The following JADE2 variants were observed in gnomAD, a reference collection of about 807,000 sequenced individuals.
The protein encoded by JADE2 is E3 ubiquitin-protein ligase Jade-2.
A neutral mutation model predicts 85.7 loss-of-function variants in JADE2; 13 were observed. The ratio of observed to expected loss-of-function variants is 0.15; its 90% CI spans 0.10 to 0.24. The LOEUF (loss-of-function observed/expected upper bound fraction) is 0.24. JADE2 is among the 10% of genes least tolerant of loss of function. JADE2 has a pLI of 1.00. For missense variants in JADE2, 846 were observed against 1,115.9 expected, an observed-to-expected ratio of 0.76 and a Z score of 3.45; for synonymous variants, 440 against 456.1, an observed-to-expected ratio of 0.96 and a Z score of 0.45.
Position 134,525,683 on chromosome 5 carries a change from G to C in JADE2, c.-329G>C. The C allele has an allele frequency of 2.4e-6, 3 of 1,246,012 alleles. No homozygotes were observed. Among genetic ancestry groups the C allele is most frequent in the Non-Finnish European group, 2.1e-6 (2 of 973,794 alleles). 77.2% of individuals were successfully genotyped at this position (1,246,012 alleles called of 1,614,324 possible). A position where few individuals can be genotyped will look rare whatever the true frequency, so the allele number is the denominator to read the frequency against. On this transcript the variant is annotated 5_prime_UTR_variant, in exon 1 of 12. Coordinates refer to ENST00000681547, the MANE Select transcript of JADE2 (RefSeq NM_001388185.1). ...TTAAAAAGAAACAGAAACATACACAGGGGGTTGGTGAATGGTGCCGACCGC... is the reference window on the plus strand; with the variant it reads ...TTAAAAAGAAACAGAAACATACACACGGGGTTGGTGAATGGTGCCGACCGC...
chr5:134,545,979 G>A (rs1762275037), intron 3 of JADE2, among the ~76,000 whole-genome samples: 1 of 152,074 alleles, frequency 6.6e-6, no homozygotes, highest in Non-Finnish European at 1.5e-5. Context: ...ATTGGCTTTG[G>A]GACAGTGACC....
chr5:134,534,021 C>T (rs1161819099), intron 1 of JADE2, among the ~76,000 whole-genome samples: 2 of 152,140 alleles, frequency 1.3e-5, no homozygotes, highest in Non-Finnish European at 2.9e-5. Flanking sequence ...GCTGGGATTA[C>T]AGGTGTCGCA....
At chr5:134,528,102 T>C (rs1322421375) in intron 1 of JADE2, among the ~76,000 whole-genome samples, 1 of 152,102 alleles carries the variant, frequency 6.6e-6, no homozygotes, top group Non-Finnish European at 1.5e-5. Flanking sequence ...ACCCCTGAGC[T>C]CTGATCCCAG....
At chr5:134,528,253 T>C (rs934425656) in intron 1 of JADE2, among the ~76,000 whole-genome samples, 1 of 152,176 alleles carries the variant, frequency 6.6e-6, no homozygotes, top group African/African-American at 2.4e-5. Flanking sequence ...GTAGGACATT[T>C]GGCAAAAGGG....
Position 134,578,871 on chromosome 5 carries a change from C to G in JADE2, c.2059C>G (p.Pro687Ala). Residue 687 changes from proline (P) to alanine (A), a missense_variant, in exon 12 of 12, where the codon CCT becomes GCT. Around this residue, in one of 9 missense-constraint regions of JADE2, gnomAD observed 300 missense variants for 300.7 expected, o/e 1.00. Coordinates refer to ENST00000681547, the MANE Select transcript of JADE2 (RefSeq NM_001388185.1). The surrounding 1 kb of genome is among the most constrained non-coding windows in gnomAD (Gnocchi z 4.4). ...AGSGKGGQGP[P>A]TRKPPRRTSS... is the part of the protein sequence containing the mutation. ...CAGTGGCAAGGGGGGTCAAGGGCCA[C>G]CTACCAGGAAGCCACCACGTCGGAC... 6.2e-7 allele frequency: 1 copy of G among 1,613,842 alleles called. No individual in the cohort carries two copies. The highest frequency in any genetic ancestry group is 8.5e-7 in the Non-Finnish European group (1 of 1,180,026).
At chr5:134,527,816 T>G (rs1760961169) in intron 1 of JADE2, among the ~76,000 whole-genome samples, 1 of 152,190 alleles carries the variant, frequency 6.6e-6, no homozygotes, top group Non-Finnish European at 1.5e-5. Context: ...GGCCTCTTGC[T>G]GGAGGCTGGG....
chr5:134,573,425 A>C (rs1764162115), intron 9 of JADE2, among the ~76,000 whole-genome samples: 1 of 152,154 alleles, frequency 6.6e-6, no homozygotes, highest in Non-Finnish European at 1.5e-5. Context: ...CACAGGGCTG[A>C]GGCTGTGTTT....
At chr5:134,543,797 G>T (rs1011219835) in intron 3 of JADE2, among the ~76,000 whole-genome samples, 4 of 152,230 alleles carry the variant, frequency 2.6e-5, no homozygotes, top group African/African-American at 9.6e-5. Context: ...GTATTTTTGA[G>T]GGGGTGGGGA....
At position 134,579,339 on chromosome 5, in the gene JADE2, GGCCCT is replaced by G; in HGVS notation, c.*29_*33del. The G allele has an allele frequency of 6.5e-7, 1 of 1,530,466 alleles. No homozygotes were observed. Among genetic ancestry groups the G allele is most frequent in the South Asian group, 1.2e-5 (1 of 80,340 alleles). The allele number at this position is 1,530,466 out of a possible 1,614,324, so 94.8% of individuals were successfully genotyped here. ...CTAACTCACCCCCTTCCCTGTCCCA[GGCCCT>G]GCCCTGGTCCCCCCACAAGGCCTCA... On this transcript the variant is annotated 3_prime_UTR_variant, in exon 12 of 12. Coordinates refer to ENST00000681547, the MANE Select transcript of JADE2 (RefSeq NM_001388185.1). The surrounding 1 kb of genome is among the most constrained non-coding windows in gnomAD (Gnocchi z 4.6).
At chr5:134,541,953 C>G (rs1761987618) in intron 3 of JADE2, among the ~76,000 whole-genome samples, 1 of 152,272 alleles carries the variant, frequency 6.6e-6, no homozygotes, top group African/African-American at 2.4e-5. Context: ...CTGGCCCTTG[C>G]CCAATGGCTG....
chr5:134,535,984 TG>T (rs1761560830), intron 2 of JADE2, 69 bp downstream of exon 2: 6 of 1,332,050 alleles, frequency 4.5e-6, no homozygotes, highest in Non-Finnish European at 6.5e-6. Context: ...CAGGCCCAGA[TG>T]GGAGGAGGCT....
At chr5:134,538,311 CAG>C (rs1267693167) in intron 3 of JADE2, among the ~76,000 whole-genome samples, 1 of 152,178 alleles carries the variant, frequency 6.6e-6, no homozygotes, top group African/African-American at 2.4e-5. Context: ...GGATCTCAGA[CAG>C]GGTAATGACA....
At chr5:134,526,363 G>T in intron 1 of JADE2, 1 of 985,214 alleles carries the variant, frequency 1.0e-6, no homozygotes, top group Non-Finnish European at 1.2e-6. Flanking sequence ...GGCGGGCGGG[G>T]GCGCGCCAGG....
At position 134,578,707 on chromosome 5, in the gene JADE2, G is replaced by A. The variant is rs768954569; in HGVS notation, c.1895G>A (p.Gly632Asp). The A allele has an allele frequency of 6.8e-6, 11 of 1,613,444 alleles. No homozygotes were observed. The South Asian group carries it at 1.1e-4, about 16-fold the overall frequency. The part of the protein sequence containing the change: ...SFMRDPSLRP[G>D]DPARKARGRT... The stretch of plus-strand genomic sequence containing the variant: ...ATGCGGGACCCCTCGCTGCGACCTG[G>A]TGACCCTGCTAGGAAGGCCCGAGGC... The change falls in exon 12 of 12, where the codon GGT becomes GAT. Residue 632 changes from glycine to aspartate, a missense_variant. Coordinates refer to ENST00000681547, the MANE Select transcript of JADE2 (RefSeq NM_001388185.1). The surrounding 1 kb of genome is among the most constrained non-coding windows in gnomAD (Gnocchi z 4.4).
In JADE2 at chr5:134,542,071, G is replaced by A. The variant is rs1021211401; in HGVS notation, c.153+3988G>A. Among the ~76,000 whole-genome samples, 104 of 152,364 alleles carry A rather than the reference G, an allele frequency of 6.8e-4. 1 individual carries two copies. The highest frequency in any genetic ancestry group is 2.1e-3 in the African/African-American group (87 of 41,592). On this transcript the variant is annotated intron_variant, in intron 3 of 11. Transcript: ENST00000681547. Reference sequence around the variant, plus strand: ...GGAGGCTGGGCTAGGATTTTTGGTGGAAGTGCGCAAAGCCTGAAGTCTGCC... The same window carrying A: ...GGAGGCTGGGCTAGGATTTTTGGTGAAAGTGCGCAAAGCCTGAAGTCTGCC...
At chr5:134,527,134 T>A (rs1760894730) in intron 1 of JADE2, among the ~76,000 whole-genome samples, 1 of 147,952 alleles carries the variant, frequency 6.8e-6, no homozygotes, top group Admixed American at 6.7e-5. Flanking sequence ...CTAGCGCTGC[T>A]GCAGTCCCTT....
In JADE2 at chr5:134,560,806, G is replaced by A; in HGVS notation, c.533G>A (p.Cys178Tyr). The A allele has an allele frequency of 6.2e-7, 1 of 1,614,216 alleles. No homozygotes were observed. Among genetic ancestry groups the A allele is most frequent in the Non-Finnish European group, 8.5e-7 (1 of 1,180,034 alleles). Residue 178 changes from cysteine (C) to tyrosine (Y), a missense_variant, in exon 6 of 12, where the codon TGC becomes TAC. Physicochemically the swap from Cys to Tyr is radical, Grantham distance 194. Coordinates refer to ENST00000681547, the MANE Select transcript of JADE2 (RefSeq NM_001388185.1). ...GTGCTGGAGGAGCTGGAGACCCTGT[G>A]CCACCAGAATATGGCCAGGGCCATT... Reference protein sequence around the residue: ...ERVLEELETLCHQNMARAIET... With the variant: ...ERVLEELETLYHQNMARAIET...
rs1183637969 is a variant in JADE2 at position 134,578,682 on chromosome 5, A to G, written c.1870A>G (p.Met624Val). ...GGACGAGGAGACACTGCTCAGCTTC[A>G]TGCGGGACCCCTCGCTGCGACCTGG... ...LQDEETLLSF[M>V]RDPSLRPGDP... is the part of the protein sequence containing the mutation. The change falls in exon 12 of 12, where the codon ATG becomes GTG. Residue 624 changes from methionine to valine, a missense_variant. Coordinates refer to ENST00000681547, the MANE Select transcript of JADE2 (RefSeq NM_001388185.1). This position sits in a 1 kb window ranked among gnomAD's most constrained non-coding sequence, Gnocchi z 4.4. 1.2e-6 allele frequency: 2 copies of G among 1,613,828 alleles called. No homozygotes were observed. Among genetic ancestry groups the G allele is most frequent in the Non-Finnish European group, 1.7e-6 (2 of 1,180,006 alleles).
chr5:134,553,510 C>T (rs1762729585), intron 4 of JADE2, among the ~76,000 whole-genome samples: 1 of 152,248 alleles, frequency 6.6e-6, no homozygotes. Context: ...CGTGCCACCA[C>T]GCCTGGCTAA....
Sources: allele counts gnomAD v4.1 joint callset (sites outside exome capture counted in the v4.1 genomes callset), GRCh38; gene constraint gnomAD v4.1.1; regional missense constraint gnomAD v4.1.1; non-coding constraint Gnocchi (gnomAD v3.1); transcripts MANE v1.5; gene names NCBI Gene and HGNC (gene_info 2026-07-23, HGNC 2026-07-21).